The following MAP4 variants were observed in gnomAD, a reference collection of about 807,000 sequenced individuals.
MAP4 encodes the protein microtubule-associated protein 4.
A neutral mutation model predicts 170.2 loss-of-function variants in MAP4; 76 were observed. The ratio of observed to expected loss-of-function variants is 0.45; its 90% CI spans 0.37 to 0.54. The LOEUF is 0.54. Ranked by LOEUF, MAP4 falls within the 20% of genes least tolerant of loss-of-function variation. The probability of loss-of-function intolerance (pLI) is 0.00; values close to 1 mark genes in which losing one functional copy is unlikely to be tolerated. For synonymous variants in MAP4, 909 were observed against 994.5 expected (o/e 0.91, Z 1.62); for missense variants, 2,506 against 2,748.0 (o/e 0.91, Z 1.97).
intron 1 of MAP4, among the ~76,000 whole-genome samples, chr3:48,059,069 G>A (rs375854055): frequency 1.3e-4 from 20 of 152,046 alleles, no homozygotes; most frequent in East Asian, 3.9e-4. Flanking sequence ...GTGAGCCACC[G>A]TGCCCGGCAT....
chr3:47,998,890 G>A lies in MAP4; in HGVS notation c.-19-11C>T, dbSNP rs370073900. The A allele has an allele frequency of 5.5e-6, 8 of 1,461,576 alleles. No individual in the cohort carries two copies. Among genetic ancestry groups the A allele is most frequent in the South Asian group, 1.1e-5 (1 of 87,258 alleles). 90.5% of individuals were successfully genotyped at this position (1,461,576 alleles called of 1,614,324 possible). ...CACCACTGCAACTGCCTGGTGAAGA[G>A]GAAAAAGATCTTTCATGTAACGAGC... On this transcript the variant is annotated splice_polypyrimidine_tract_variant and intron_variant, in intron 1 of 20. Coordinates refer to ENST00000683076, the MANE Select transcript of MAP4 (RefSeq NM_001385682.1).
intron 5 of MAP4, among the ~76,000 whole-genome samples, chr3:47,919,683 G>C (rs2100041733): frequency 6.6e-6 from 1 of 152,152 alleles, no homozygotes; most frequent in South Asian, 2.1e-4. Context: ...AGGTGGTATA[G>C]TATATCCCAG....
chr3:47,853,101 T>C, intron 20 of MAP4, 62 bp downstream of exon 20: 1 of 1,612,372 alleles, frequency 6.2e-7, no homozygotes, highest in African/African-American at 1.3e-5. Context: ...AACAAAGGAG[T>C]TTCAATTTGC....
chr3:47,936,775 G>A (rs2100053150), intron 3 of MAP4, among the ~76,000 whole-genome samples: 2 of 151,976 alleles, frequency 1.3e-5, no homozygotes, highest in Admixed American at 1.3e-4. Context: ...GAGGTCAAGA[G>A]TTCAAGACCA....
intron 10 of MAP4, among the ~76,000 whole-genome samples, chr3:47,888,448 GGGA>G (rs2098014571): frequency 6.6e-6 from 1 of 151,874 alleles, no homozygotes; most frequent in African/African-American, 2.4e-5. Context: ...CAAACCCACC[GGGA>G]GGAACGAACA....
chr3:47,934,149 T>C (rs888178726), intron 3 of MAP4, among the ~76,000 whole-genome samples: 2 of 152,170 alleles, frequency 1.3e-5, no homozygotes, highest in African/African-American at 4.8e-5. Flanking sequence ...GGACAGGACA[T>C]CAAGAGCTAA....
At chr3:47,935,265 A>T (rs781297747) in intron 3 of MAP4, among the ~76,000 whole-genome samples, 1 of 152,154 alleles carries the variant, frequency 6.6e-6, no homozygotes, top group Non-Finnish European at 1.5e-5. Flanking sequence ...AGGAAGATAG[A>T]AGGATGTAAT....
chr3:48,021,465 A>G (rs2154480685), intron 1 of MAP4, among the ~76,000 whole-genome samples: 1 of 152,160 alleles, frequency 6.6e-6, no homozygotes, highest in African/African-American at 2.4e-5. Flanking sequence ...CTCCTGCCTC[A>G]GCCTCCTGAA....
At chr3:47,892,675 G>C in intron 10 of MAP4, 3 of 1,375,338 alleles carry the variant, frequency 2.2e-6, no homozygotes, top group East Asian at 2.7e-5. Context: ...GTGAAAGAAA[G>C]AAAGAAAGGA....
At chr3:48,037,556 G>C (rs549546290) in intron 1 of MAP4, among the ~76,000 whole-genome samples, 11 of 152,042 alleles carry the variant, frequency 7.2e-5, no homozygotes, top group African/African-American at 2.2e-4. Context: ...CACCATGCCT[G>C]GCTAATTTTT....
At chr3:47,969,720 A>G (rs2100077393) in intron 3 of MAP4, among the ~76,000 whole-genome samples, 1 of 152,136 alleles carries the variant, frequency 6.6e-6, no homozygotes, top group South Asian at 2.1e-4. Context: ...TGACACCAAG[A>G]GACAAGACAT....
intron 8 of MAP4, among the ~76,000 whole-genome samples, chr3:47,913,833 C>T (rs2100037198): frequency 6.6e-6 from 1 of 152,110 alleles, no homozygotes; most frequent in South Asian, 2.1e-4. Context: ...ATCATAGTCA[C>T]AGAAAAGTAA....
chr3:47,891,673 A>G (rs2100024037), intron 10 of MAP4: 36 of 1,536,332 alleles, frequency 2.3e-5, no homozygotes, highest in Non-Finnish European at 2.9e-5. Flanking sequence ...CCAACTCCTT[A>G]TCATGGTCTC....
rs190593036 is a variant in MAP4, at chr3:47,910,864, T to C, written c.3557A>G (p.Asn1186Ser). ...TGDVVKDMGV[N>S]NQSKEGRCPW... ...ACACCTTCCTTCCTTGCTCTGGTTA[T>C]TGACACCCATATCTTTGACTACATC... Residue 1186 changes from asparagine (N) to serine (S), a missense_variant, in exon 9 of 21, where the codon AAT (asparagine) becomes AGT (serine). By Grantham distance (46) the Asn-to-Ser change is conservative. This residue lies in a region of MAP4 where 2,008 missense variants were observed against 2,206.0 expected (regional missense o/e 0.91). Transcript: ENST00000683076. 171 of 1,536,176 alleles carry C rather than the reference T, an allele frequency of 1.1e-4. 1 individual carries two copies. In the East Asian group the frequency reaches 4.0e-3, roughly 36 times the overall value.
At chr3:47,863,991 C>T (rs1280944644) in intron 17 of MAP4, among the ~76,000 whole-genome samples, 1 of 147,764 alleles carries the variant, frequency 6.8e-6, no homozygotes, top group African/African-American at 2.6e-5. Context: ...GTCCTCCTCC[C>T]TTTTTTTTCA....
chr3:48,019,164 A>C (rs1464385238), upstream of MAP4, among the ~76,000 whole-genome samples: 1 of 151,852 alleles, frequency 6.6e-6, no homozygotes, highest in East Asian at 1.9e-4. Flanking sequence ...ATGGCAAGAC[A>C]CCATCTCTAC....
chr3:47,856,354 A>C (rs968976697), intron 18 of MAP4, among the ~76,000 whole-genome samples: 21 of 152,358 alleles, frequency 1.4e-4, no homozygotes, highest in African/African-American at 4.8e-4. Flanking sequence ...CCCAGATAAA[A>C]GGGGAAAAAA....
At chr3:47,917,544 G>C (rs574220738) in intron 6 of MAP4, among the ~76,000 whole-genome samples, 9 of 148,498 alleles carry the variant, frequency 6.1e-5, no homozygotes, top group African/African-American at 2.2e-4. Flanking sequence ...CGAGATCACG[G>C]CATTGCACTC....
At chr3:47,931,315 A>T (rs2100049667) in intron 3 of MAP4, among the ~76,000 whole-genome samples, 1 of 152,138 alleles carries the variant, frequency 6.6e-6, no homozygotes, top group Admixed American at 6.5e-5. Flanking sequence ...TGGGAAGTCG[A>T]GGCTGCAGTC....
Sources: allele counts gnomAD v4.1 joint callset (sites outside exome capture counted in the v4.1 genomes callset), GRCh38; gene constraint gnomAD v4.1.1; regional missense constraint gnomAD v4.1.1; transcripts MANE v1.5; gene names NCBI Gene and HGNC (gene_info 2026-07-23, HGNC 2026-07-21).